Variants in CDH12 observed in about 807,000 individuals in gnomAD.
CDH12 encodes the protein cadherin-12.
A neutral mutation model predicts 74.1 loss-of-function variants in CDH12; 41 were observed. The ratio of observed to expected loss-of-function variants is 0.55; its 90% confidence interval spans 0.43 to 0.72. The LOEUF is 0.72. Ranked by LOEUF, CDH12 falls within the 30% of genes least tolerant of loss-of-function variation. The pLI is 0.00. For synonymous variants in CDH12, 399 were observed against 355.0 expected (o/e 1.12, Z -1.39); for missense variants, 945 against 977.2 (o/e 0.97, Z 0.44).
intron 1 of CDH12, among the ~76,000 whole-genome samples, chr5:22,523,513 A>G (rs1580730949): frequency 6.6e-6 from 1 of 152,178 alleles, no homozygotes; most frequent in East Asian, 1.9e-4. Context: ...TTTCCTCCTC[A>G]ACTTATTTTT....
intron 1 of CDH12, among the ~76,000 whole-genome samples, chr5:22,673,321 G>T (rs926897886): frequency 6.6e-6 from 1 of 152,010 alleles, no homozygotes; most frequent in East Asian, 1.9e-4. Context: ...CAAAACAAAG[G>T]TTCTTCCTGG....
intron 4 of CDH12, among the ~76,000 whole-genome samples, chr5:22,194,269 A>G (rs1004732233): frequency 7.4e-6 from 1 of 134,544 alleles, no homozygotes; most frequent in Non-Finnish European, 1.6e-5. Context: ...TATGTAACCT[A>G]CCTCCCCCAC....
chr5:22,636,333 A>T (rs1243956345), intron 1 of CDH12, among the ~76,000 whole-genome samples: 1 of 152,178 alleles, frequency 6.6e-6, no homozygotes, highest in African/African-American at 2.4e-5. Flanking sequence ...TGCAAGAGAC[A>T]TGCAAACATA....
intron 1 of CDH12, among the ~76,000 whole-genome samples, chr5:22,711,118 T>C (rs1019983338): frequency 6.6e-6 from 1 of 151,830 alleles, no homozygotes; most frequent in Non-Finnish European, 1.5e-5. Context: ...ATTGGGAAAA[T>C]CTAGAAAAAA....
At chr5:22,167,623 A>G (rs1300439189) in intron 4 of CDH12, among the ~76,000 whole-genome samples, 1 of 152,224 alleles carries the variant, frequency 6.6e-6, no homozygotes, top group Non-Finnish European at 1.5e-5. Flanking sequence ...TTTCAAAGAC[A>G]TAATTTAAAA....
chr5:22,682,482 G>A (rs929838376), intron 1 of CDH12, among the ~76,000 whole-genome samples: 7 of 152,094 alleles, frequency 4.6e-5, no homozygotes, highest in African/African-American at 1.7e-4. Flanking sequence ...CTCTTATATG[G>A]TAACTTGTAT....
At chr5:22,604,679 G>C (rs1036367900) in intron 1 of CDH12, among the ~76,000 whole-genome samples, 12 of 152,150 alleles carry the variant, frequency 7.9e-5, no homozygotes, top group African/African-American at 2.9e-4. Flanking sequence ...CTCATGTTGT[G>C]GGCCAAGGGG....
At position 22,157,478 on chromosome 5, in the gene CDH12, G is replaced by C. The variant is rs540579320; in HGVS notation, c.-187+55020C>G. ...CTGTCATTCACCAAATGAAATTTAA[G>C]TGTTCCATCAAAGTCATTTGCAAAT... is the stretch of plus-strand genomic sequence containing the variant. On this transcript the variant is annotated intron_variant, in intron 4 of 14. Transcript: ENST00000382254. Among the ~76,000 whole-genome samples, 413 of 151,788 alleles carry C rather than the reference G, an allele frequency of 2.7e-3. 1 individual carries two copies. The highest frequency in any genetic ancestry group is 9.5e-3 in the African/African-American group (392 of 41,402).
At chr5:22,261,820 C>T (rs1464996598) in intron 3 of CDH12, among the ~76,000 whole-genome samples, 1 of 150,100 alleles carries the variant, frequency 6.7e-6, no homozygotes, top group Non-Finnish European at 1.5e-5. Flanking sequence ...GGCTTTTCTC[C>T]AAGAAAATAA....
chr5:22,116,475 C>T (rs1004877006), intron 4 of CDH12, among the ~76,000 whole-genome samples: 4 of 152,170 alleles, frequency 2.6e-5, no homozygotes, highest in South Asian at 2.1e-4. Context: ...CGTGGTGGCG[C>T]GTGCCTGTAG....
chr5:22,639,298 GT>G (rs1166359249), intron 1 of CDH12, among the ~76,000 whole-genome samples: 1 of 151,826 alleles, frequency 6.6e-6, no homozygotes, highest in Non-Finnish European at 1.5e-5. Flanking sequence ...AGCAGTAAAG[GT>G]TAAGCTAATT....
At chr5:22,138,630 G>T (rs71609224) in intron 4 of CDH12, among the ~76,000 whole-genome samples, 1 of 150,214 alleles carries the variant, frequency 6.7e-6, no homozygotes, top group South Asian at 2.1e-4. Flanking sequence ...AACACATCAG[G>T]TGCATGTTTG....
intron 1 of CDH12, among the ~76,000 whole-genome samples, chr5:22,553,247 G>T (rs183730112): frequency 9.7e-4 from 147 of 152,194 alleles, no homozygotes; most frequent in Admixed American, 4.1e-3. Flanking sequence ...TCATCTCTTA[G>T]CAATACAAAA....
At chr5:21,857,283 A>C (rs1321570384) in intron 6 of CDH12, among the ~76,000 whole-genome samples, 1 of 151,876 alleles carries the variant, frequency 6.6e-6, no homozygotes, top group East Asian at 1.9e-4. Context: ...GTAGTCTGGT[A>C]TGTAGCAGTG....
At chr5:22,070,027 T>C (rs1315823394) in intron 5 of CDH12, among the ~76,000 whole-genome samples, 4 of 152,132 alleles carry the variant, frequency 2.6e-5, no homozygotes, top group African/African-American at 9.7e-5. Flanking sequence ...ACATGACCAG[T>C]GATGGAAATG....
At chr5:22,076,319 T>A (rs1742312129) in intron 5 of CDH12, among the ~76,000 whole-genome samples, 1 of 152,262 alleles carries the variant, frequency 6.6e-6, no homozygotes, top group South Asian at 2.1e-4. Flanking sequence ...AAGCAAAAAC[T>A]TGCATATACA....
chr5:21,811,037 G>A (rs1747720380), intron 9 of CDH12, among the ~76,000 whole-genome samples: 1 of 152,034 alleles, frequency 6.6e-6, no homozygotes, highest in South Asian at 2.1e-4. Flanking sequence ...TTTGTTAAAA[G>A]GCTCTTTGTG....
chr5:21,875,441 T>C (rs1173044849), intron 6 of CDH12, among the ~76,000 whole-genome samples: 4 of 152,224 alleles, frequency 2.6e-5, no homozygotes, highest in Non-Finnish European at 4.4e-5. Flanking sequence ...TTGTAATGAA[T>C]GGGTAGAGTT....
chr5:22,594,471 C>T lies in CDH12; in HGVS notation c.-522-89107G>A, dbSNP rs118119567. ...CTACAGTGAACATAGTAGCAAACGC[C>T]CTACACCGACCTCCCTATATCCTTC... On this transcript the variant is annotated intron_variant, in intron 1 of 14. Transcript: ENST00000382254. Among the ~76,000 whole-genome samples, 16 of 152,204 alleles carry T rather than the reference C, an allele frequency of 1.1e-4. 1 individual carries two copies. The East Asian group carries it at 1.6e-3, about 15-fold the overall frequency.
Sources: allele counts gnomAD v4.1 joint callset (sites outside exome capture counted in the v4.1 genomes callset), GRCh38; gene constraint gnomAD v4.1.1; transcripts MANE v1.5; gene names NCBI Gene and HGNC (gene_info 2026-07-23, HGNC 2026-07-21).